SKI: variants seen among roughly 807,000 people sequenced by gnomAD.
The protein encoded by SKI is SKI proto-oncogene, also known as ski oncogene.
Under a neutral mutation model 59.3 loss-of-function variants are expected in SKI, and 23 were observed. The ratio of observed to expected loss-of-function variants is 0.39; its 90% CI spans 0.28 to 0.55. The LOEUF (loss-of-function observed/expected upper bound fraction) is 0.55, where lower values mean the gene tolerates loss of function less well. Ranked by LOEUF, SKI falls within the 20% of genes least tolerant of loss-of-function variation. The pLI, the probability that SKI is intolerant of heterozygous loss-of-function variation, is 0.67. For synonymous variants in SKI, 673 were observed against 488.6 expected, an observed-to-expected ratio of 1.38 and a Z score of -4.98; for missense variants, 1,017 against 1,038.9, an observed-to-expected ratio of 0.98 and a Z score of 0.29.
chr1:2,297,266 C>T (rs903201096), intron 1 of SKI, among the ~76,000 whole-genome samples: 3 of 152,272 alleles, frequency 2.0e-5, no homozygotes, highest in East Asian at 3.9e-4. Flanking sequence ...GCCACCACGC[C>T]GGGCCCACGG....
intron 1 of SKI, among the ~76,000 whole-genome samples, chr1:2,302,396 G>C (rs955728419): frequency 1.4e-4 from 21 of 152,204 alleles, no homozygotes; most frequent in African/African-American, 4.8e-4. Context: ...GGAGGGGGCA[G>C]CCAGAATGCC....
intron 1 of SKI, among the ~76,000 whole-genome samples, chr1:2,231,248 A>C (rs1638631641): frequency 6.6e-6 from 1 of 152,102 alleles, no homozygotes; most frequent in Non-Finnish European, 1.5e-5. Context: ...GGGCTCGTGC[A>C]GGCTGCGTAG....
intron 1 of SKI, among the ~76,000 whole-genome samples, chr1:2,253,192 C>T (rs1057294824): frequency 1.3e-5 from 2 of 152,192 alleles, no homozygotes; most frequent in Middle Eastern, 3.2e-3. Context: ...CCAGCACCCG[C>T]CTGCAGCGCA....
chr1:2,288,206 C>T (rs536985029), intron 1 of SKI, among the ~76,000 whole-genome samples: 26 of 152,266 alleles, frequency 1.7e-4, no homozygotes, highest in African/African-American at 3.1e-4. Context: ...AGGCTGGTCT[C>T]GAACTTCTGA....
At position 2,276,814 on chromosome 1, in the gene SKI, C is replaced by T. The variant is rs538483468; in HGVS notation, c.970-26164C>T. Reference sequence around the variant, plus strand: ...AACTTAGGAACCCCGATGAAGAGCCCGTGCTCATAGCTCCGTTCCTGACAT... The same window carrying T: ...AACTTAGGAACCCCGATGAAGAGCCTGTGCTCATAGCTCCGTTCCTGACAT... On this transcript the variant is annotated intron_variant, in intron 1 of 6. Coordinates refer to ENST00000378536, the MANE Select transcript of SKI (RefSeq NM_003036.4). Among the ~76,000 whole-genome samples the T allele has an allele frequency of 4.0e-4, 61 of 152,294 alleles. 1 individual carries two copies. The highest frequency in any genetic ancestry group is 1.3e-3 in the African/African-American group (53 of 41,574).
intron 1 of SKI, among the ~76,000 whole-genome samples, chr1:2,288,561 G>A (rs369161356): frequency 1.1e-4 from 16 of 152,222 alleles, no homozygotes; most frequent in South Asian, 2.1e-4. Flanking sequence ...TTGCTCGTGC[G>A]TGCACATTTG....
chr1:2,229,858 C>G lies in SKI; in HGVS notation c.969+123C>G. ...TTCTGCCGTGCCCCATGTCTCCAGT[C>G]TTCGCTTTGTTTTAGGGAAATTCAG... On this transcript the variant is annotated intron_variant, in intron 1 of 6. Coordinates refer to ENST00000378536, the MANE Select transcript of SKI (RefSeq NM_003036.4). This position sits in a 1 kb window ranked among gnomAD's most constrained non-coding sequence, Gnocchi z 6.3. 1 of 1,498,918 alleles carries G rather than the reference C, an allele frequency of 6.7e-7. No homozygotes were observed. Among genetic ancestry groups the G allele is most frequent in the Non-Finnish European group, 9.0e-7 (1 of 1,112,796 alleles). The allele number at this position is 1,498,918 out of a possible 1,614,324, so 92.9% of individuals were successfully genotyped here. A position where few individuals can be genotyped will look rare whatever the true frequency, so the allele number is the denominator to read the frequency against.
At chr1:2,275,614 G>A (rs530661035) in intron 1 of SKI, among the ~76,000 whole-genome samples, 6 of 152,152 alleles carry the variant, frequency 3.9e-5, no homozygotes, top group African/African-American at 7.2e-5. Context: ...CCGGGTTCAC[G>A]CCATTCTCCT....
At chr1:2,301,567 C>T (rs1460169248) in intron 1 of SKI, among the ~76,000 whole-genome samples, 2 of 151,932 alleles carry the variant, frequency 1.3e-5, no homozygotes, top group Middle Eastern at 3.5e-3. Context: ...CCCCCAGGGC[C>T]CTCCATCCCC....
intron 1 of SKI, among the ~76,000 whole-genome samples, chr1:2,235,669 C>A (rs1034245783): frequency 1.3e-5 from 2 of 152,158 alleles, no homozygotes; most frequent in Admixed American, 6.5e-5. Context: ...CAGGGAGCCT[C>A]CAGCTCTGGG....
At chr1:2,249,740 C>T (rs1033112222) in intron 1 of SKI, among the ~76,000 whole-genome samples, 3 of 152,240 alleles carry the variant, frequency 2.0e-5, no homozygotes, top group Non-Finnish European at 4.4e-5. Flanking sequence ...CCTCCCTGTC[C>T]TGCCTCCTGC....
chr1:2,240,349 C>T (rs995044648), intron 1 of SKI: 19 of 316,044 alleles, frequency 6.0e-5, no homozygotes, highest in Non-Finnish European at 6.0e-5. Flanking sequence ...GAGGGGCAGG[C>T]GCCTCCTAGC....
intron 1 of SKI, among the ~76,000 whole-genome samples, chr1:2,250,738 CG>C (rs1557820352): frequency 6.6e-6 from 1 of 152,236 alleles, no homozygotes; most frequent in Non-Finnish European, 1.5e-5. Flanking sequence ...CACGCTCTGC[CG>C]TGTCTGCCAC....
At chr1:2,265,634 T>G (rs1185116521) in intron 1 of SKI, among the ~76,000 whole-genome samples, 1 of 152,138 alleles carries the variant, frequency 6.6e-6, no homozygotes, top group Non-Finnish European at 1.5e-5. Flanking sequence ...ATTCTAGACG[T>G]TTTGAAATGT....
intron 1 of SKI, among the ~76,000 whole-genome samples, chr1:2,254,386 C>T (rs2100828389): frequency 6.6e-6 from 1 of 152,320 alleles, no homozygotes; most frequent in Non-Finnish European, 1.5e-5. Flanking sequence ...CTGAGATCTC[C>T]AGCGTGACAT....
rs563327842 is a variant in SKI at position 2,248,729 on chromosome 1, C to G, written c.969+18994C>G. ...TTTGCTGTTTAACTCACTGTCTTTC[C>G]TTCTCACGTCTTCTCTGTGCAAATA... On this transcript the variant is annotated intron_variant, in intron 1 of 6. Coordinates refer to ENST00000378536, the MANE Select transcript of SKI (RefSeq NM_003036.4). Among the ~76,000 whole-genome samples, 12 of 152,346 alleles carry G rather than the reference C, an allele frequency of 7.9e-5. No homozygotes were observed. In the East Asian group the frequency reaches 1.5e-3, roughly 20 times the overall value.
intron 1 of SKI, among the ~76,000 whole-genome samples, chr1:2,278,656 C>T (rs1052245304): frequency 6.9e-6 from 1 of 145,658 alleles, no homozygotes; most frequent in African/African-American, 2.5e-5. Context: ...TCTCTGGGGC[C>T]TTTTTTTTTT....
rs1458116502 is a variant in SKI at position 2,229,267 on chromosome 1, G to C, written c.501G>C (p.Leu167=). The C allele has an allele frequency of 6.3e-7, 1 of 1,597,716 alleles. No homozygotes were observed. The highest frequency in any genetic ancestry group is 1.7e-5 in the Admixed American group (1 of 57,648). The stretch of plus-strand genomic sequence containing the variant: ...AGATCCTCAAAGTCATGGGCATCCT[G>C]CCCTTCTCGGCGCCCTCGTGCGGGC... ...QLEILKVMGI[L]PFSAPSCGLI... is the part of the protein sequence containing the mutation. The change falls in exon 1 of 7, where the codon CTG becomes CTC. Residue 167 remains leucine (L), a synonymous_variant. Transcript: ENST00000378536. The surrounding 1 kb of genome is among the most constrained non-coding windows in gnomAD (Gnocchi z 6.3).
chr1:2,236,010 T>C (rs1187322024), intron 1 of SKI, among the ~76,000 whole-genome samples: 3 of 152,202 alleles, frequency 2.0e-5, no homozygotes, highest in Non-Finnish European at 4.4e-5. Context: ...TTCTGTTCGG[T>C]GCTTGGTGTT....
Sources: gnomAD v4.1 joint callset for allele counts (sites outside exome capture counted in the v4.1 genomes callset) on GRCh38, gnomAD v4.1.1 for gene constraint, Gnocchi (gnomAD v3.1) non-coding constraint, MANE v1.5 for transcripts, NCBI Gene and HGNC (gene_info 2026-07-23, HGNC 2026-07-21) for gene names.